The following EFHC1 variants were observed in gnomAD, a reference collection of about 807,000 sequenced individuals.
EFHC1 encodes the protein EF-hand domain-containing protein 1.
In EFHC1, 53 loss-of-function variants were observed where a neutral mutation model predicts 69.9. The ratio of observed to expected loss-of-function variants is 0.76; its 90% CI spans 0.61 to 0.95. The LOEUF is 0.95. Among genes scored for constraint, EFHC1 ranks in the 40% least tolerant of loss-of-function variants. The pLI is 0.00. For synonymous variants in EFHC1, 256 were observed against 278.4 expected, an observed-to-expected ratio of 0.92 and a Z score of 0.80; for missense variants, 739 against 798.7, an observed-to-expected ratio of 0.93 and a Z score of 0.90.
chr6:52,459,537 A>G (rs891146810), intron 5 of EFHC1, among the ~76,000 whole-genome samples: 1 of 152,268 alleles, frequency 6.6e-6, no homozygotes. Context: ...AGAATGTCCA[A>G]AATTAAAAAG....
intron 7 of EFHC1, among the ~76,000 whole-genome samples, chr6:52,474,874 T>TG (rs1234255436): frequency 6.6e-6 from 1 of 152,132 alleles, no homozygotes; most frequent in African/African-American, 2.4e-5. Context: ...GCCTGTTTGG[T>TG]GGGGGAAGGA....
At chr6:52,471,282 G>A (rs1401092710) in intron 7 of EFHC1, among the ~76,000 whole-genome samples, 1 of 152,198 alleles carries the variant, frequency 6.6e-6, no homozygotes, top group Non-Finnish European at 1.5e-5. Context: ...CTGTTGTCTG[G>A]CTTTGAATTA....
chr6:52,424,202 A>G, intron 2 of EFHC1, 35 bp downstream of exon 2: 1 of 1,589,740 alleles, frequency 6.3e-7, no homozygotes, highest in South Asian at 1.1e-5. Context: ...CCCTTGAATT[A>G]GGGTCTGAGA....
rs539942716 is a variant in EFHC1, at chr6:52,477,270, A to G, written c.1279-1767A>G. 1.6e-3 allele frequency among the ~76,000 whole-genome samples: 238 copies of G among 152,282 alleles called. 1 individual carries two copies. Among genetic ancestry groups the G allele is most frequent in the African/African-American group, 5.5e-3 (229 of 41,548 alleles). On this transcript the variant is annotated intron_variant, in intron 7 of 10. Transcript: ENST00000371068. ...TTTATTACATGGGTGTACAATCCAA[A>G]TGATTTGGAGACTATTAGATGAAGG...
chr6:52,456,097 A>G (rs1213251448), intron 5 of EFHC1, among the ~76,000 whole-genome samples: 1 of 152,198 alleles, frequency 6.6e-6, no homozygotes, highest in East Asian at 1.9e-4. Context: ...GGAAAAGGAT[A>G]AAAGGGAGTG....
chr6:52,435,840 T>C (rs143075320), intron 2 of EFHC1, among the ~76,000 whole-genome samples: 2 of 152,340 alleles, frequency 1.3e-5, no homozygotes, highest in African/African-American at 4.8e-5. Context: ...AGTTAAGCTT[T>C]CTCTGACCAC....
intron 3 of EFHC1, among the ~76,000 whole-genome samples, chr6:52,445,932 A>T (rs900994350): frequency 7.9e-5 from 12 of 152,084 alleles, no homozygotes; most frequent in Non-Finnish European, 1.3e-4. Flanking sequence ...AGACAGTTTT[A>T]TATAATTTCT....
In EFHC1 at chr6:52,479,802, G is replaced by T; in HGVS notation, c.1640+15G>T. On this transcript the variant is annotated intron_variant, in intron 9 of 10. Transcript: ENST00000371068. ...GAAGCAGAAAGGTGTGTGTTTGATT[G>T]CTAGGGTTTGGCACACTCAAGATAT... 6.2e-7 allele frequency: 1 copy of T among 1,613,468 alleles called. No individual in the cohort carries two copies. The highest frequency in any genetic ancestry group is 1.7e-4 in the Middle Eastern group (1 of 6,056).
rs940688749 is a variant in EFHC1, at chr6:52,490,180, G to A, written c.1681G>A (p.Ala561Thr). The A allele has an allele frequency of 1.2e-6, 2 of 1,614,068 alleles. No homozygotes were observed. The highest frequency in any genetic ancestry group is 1.1e-5 in the South Asian group (1 of 91,082). Residue 561 changes from alanine to threonine, a missense_variant, in exon 10 of 11, where the codon GCA (alanine) becomes ACA (threonine). Transcript: ENST00000371068. ...EKDPGVQELE[A>T]LIDTIQKQLK... Reference sequence around the variant, plus strand: ...GGATCCAGGCGTGCAGGAATTGGAAGCATTAATAGACACAATTCAGAAGCA... The same window carrying A: ...GGATCCAGGCGTGCAGGAATTGGAAACATTAATAGACACAATTCAGAAGCA...
At chr6:52,484,052 A>G (rs957857074) in intron 9 of EFHC1, 3 of 152,210 alleles carry the variant, frequency 2.0e-5, no homozygotes, top group African/African-American at 7.2e-5. Flanking sequence ...TTGTTTTTAC[A>G]TAGAATAAAT....
chr6:52,479,740 T>TCAGAAC lies in EFHC1; in HGVS notation c.1596_1601dup (p.Gln532_Asn533dup), dbSNP rs757005175. On this transcript the variant is annotated inframe_insertion, in exon 9 of 11. Coordinates refer to ENST00000371068, the MANE Select transcript of EFHC1 (RefSeq NM_018100.4). ...ATTCACCAGAAGCACTCGCGTCAAT[T>TCAGAAC]CAGAACCATGTCCGAAAGCGAGAAG... 6.2e-7 allele frequency: 1 copy of TCAGAAC among 1,614,208 alleles called. No individual in the cohort carries two copies. Among genetic ancestry groups the TCAGAAC allele is most frequent in the Admixed American group, 1.7e-5 (1 of 60,020 alleles).
Position 52,438,538 on chromosome 6 carries a change from A to G in EFHC1, c.520A>G (p.Ile174Val), listed in dbSNP as rs137852779. ...HWKDLNRGIN[I>V]TIYGKTFRVV... ...GAAAGACCTAAATCGAGGAATAAAC[A>G]TCACAATTTATGGCAAAACTTTCCG... is the stretch of plus-strand genomic sequence containing the variant. Residue 174 changes from isoleucine (I) to valine (V), a missense_variant, in exon 3 of 11, where the codon ATC becomes GTC. By Grantham distance (29) the Ile-to-Val change is conservative. Transcript: ENST00000371068. 5.6e-6 allele frequency: 9 copies of G among 1,614,074 alleles called. No individual in the cohort carries two copies. The highest frequency in any genetic ancestry group is 6.8e-6 in the Non-Finnish European group (8 of 1,179,960).
In EFHC1 at chr6:52,438,249, A is replaced by G. The variant is rs559748204; in HGVS notation, c.286-55A>G. The G allele has an allele frequency of 1.9e-6, 3 of 1,544,410 alleles. No individual in the cohort carries two copies. The South Asian group carries it at 3.5e-5, about 18-fold the overall frequency. On this transcript the variant is annotated intron_variant, in intron 2 of 10. Coordinates refer to ENST00000371068, the MANE Select transcript of EFHC1 (RefSeq NM_018100.4). ...TTCAGGAAGGTACTTGATATTTTTC[A>G]GATGACTATGACAAGCTAATAGTAC... is the stretch of plus-strand genomic sequence containing the variant.
In EFHC1 at chr6:52,495,130, C is replaced by T. The variant is rs1219788767; in HGVS notation, c.*2789C>T. 1 of 454,024 alleles carries T rather than the reference C, an allele frequency of 2.2e-6. No individual in the cohort carries two copies. Among genetic ancestry groups the T allele is most frequent in the Non-Finnish European group, 4.4e-6 (1 of 226,766 alleles). The allele number at this position is 454,024 out of a possible 1,614,324, so 28.1% of individuals were successfully genotyped here. A position where few individuals can be genotyped will look rare whatever the true frequency, so the allele number is the denominator to read the frequency against. On this transcript the variant is annotated 3_prime_UTR_variant, in exon 11 of 11. Coordinates refer to ENST00000371068, the MANE Select transcript of EFHC1 (RefSeq NM_018100.4). The stretch of plus-strand genomic sequence containing the variant: ...GCTCCTTCTGATCTTCCCAGGAGGC[C>T]CTTTCAGGCTGACACACCTTCCAGG...
intron 3 of EFHC1, among the ~76,000 whole-genome samples, chr6:52,448,209 A>G (rs965068622): frequency 3.9e-5 from 6 of 152,196 alleles, no homozygotes; most frequent in Non-Finnish European, 7.4e-5. Flanking sequence ...TTGAGGTGCC[A>G]TGGGCTCCAC....
rs777247138 is a variant in EFHC1, at chr6:52,422,987, A to G, written c.64-959A>G. Among the ~76,000 whole-genome samples, 5 of 152,340 alleles carry G rather than the reference A, an allele frequency of 3.3e-5. No individual in the cohort carries two copies. The South Asian group carries it at 1.0e-3, about 32-fold the overall frequency. ...TAATCCATTGAGTGAGTTTTCGATC[A>G]TTTACTCATGTCTTCATATGACTGT... On this transcript the variant is annotated intron_variant, in intron 1 of 10. Coordinates refer to ENST00000371068, the MANE Select transcript of EFHC1 (RefSeq NM_018100.4).
chr6:52,422,446 CAAATG>C (rs1208850068), intron 1 of EFHC1, among the ~76,000 whole-genome samples: 2 of 152,116 alleles, frequency 1.3e-5, no homozygotes, highest in African/African-American at 4.8e-5. Context: ...CCTTTAAAAA[CAAATG>C]TCATACATTT....
chr6:52,467,353 G>C (rs9370123), intron 6 of EFHC1, among the ~76,000 whole-genome samples: 49,178 of 151,622 alleles, frequency 0.32, 8,174 homozygotes, highest in Admixed American at 0.46. Flanking sequence ...GCTAATTTTT[G>C]TATTTTTAGT....
Position 52,454,125 on chromosome 6 carries a change from A to G in EFHC1, c.754A>G (p.Thr252Ala), listed in dbSNP as rs1435544341. The stretch of plus-strand genomic sequence containing the variant: ...TCGATTCTATGCAATCTGGGATGAT[A>G]CAGACAGCATGTATGGTGAATGTCG... The part of the protein sequence containing the change: ...VLRFYAIWDD[T>A]DSMYGECRTY... The change falls in exon 5 of 11, where the codon ACA (threonine) becomes GCA (alanine). Residue 252 changes from threonine to alanine, a missense_variant. By Grantham distance (58) the Thr-to-Ala change is moderately conservative (BLOSUM62 0). Transcript: ENST00000371068. 9.3e-6 allele frequency: 15 copies of G among 1,613,956 alleles called. No individual in the cohort carries two copies. The highest frequency in any genetic ancestry group is 1.3e-5 in the Non-Finnish European group (15 of 1,179,988).
Sources: allele counts gnomAD v4.1 joint callset (sites outside exome capture counted in the v4.1 genomes callset), GRCh38; gene constraint gnomAD v4.1.1; transcripts MANE v1.5; gene names NCBI Gene and HGNC (gene_info 2026-07-23, HGNC 2026-07-21).